The following PCDHA6 variants were observed in gnomAD, a reference collection of about 807,000 sequenced individuals.
PCDHA6 encodes the protein protocadherin alpha 6.
Under a neutral mutation model 60.3 loss-of-function variants are expected in PCDHA6, and 55 were observed. That is an observed-to-expected ratio of 0.91 (90% CI 0.73 to 1.14). PCDHA6 has a LOEUF of 1.14. PCDHA6 is among the 50% of genes most tolerant of loss of function. The pLI, the probability that PCDHA6 is intolerant of heterozygous loss-of-function variation, is 0.00. For synonymous variants in PCDHA6, 652 were observed against 557.9 expected, an observed-to-expected ratio of 1.17 and a Z score of -2.38; for missense variants, 1,327 against 1,256.5, an observed-to-expected ratio of 1.06 and a Z score of -0.85.
chr5:140,832,634 AG>A (rs1772087918), intron 1 of PCDHA6, among the ~76,000 whole-genome samples: 1 of 152,156 alleles, frequency 6.6e-6, no homozygotes, highest in Non-Finnish European at 1.5e-5. Context: ...AAAAGTTCCT[AG>A]GAGGGTCTTT....
intron 1 of PCDHA6, among the ~76,000 whole-genome samples, chr5:140,953,460 G>A (rs1025295552): frequency 1.3e-5 from 2 of 152,116 alleles, no homozygotes; most frequent in Non-Finnish European, 2.9e-5. Context: ...ATCTGTCAGA[G>A]TTTTAACTTC....
At chr5:140,941,247 C>CT (rs1398354432) in intron 1 of PCDHA6, among the ~76,000 whole-genome samples, 1 of 128,506 alleles carries the variant, frequency 7.8e-6, no homozygotes, top group African/African-American at 2.9e-5. Context: ...TTCTTTCTTT[C>CT]TTTCTTTCTC....
At chr5:140,967,301 G>T in intron 1 of PCDHA6, 2 of 1,612,148 alleles carry the variant, frequency 1.2e-6, no homozygotes, top group Middle Eastern at 1.7e-4. Flanking sequence ...CGACGTGGGC[G>T]CCAACTCAGT....
rs2150184170 is a variant in PCDHA6 at position 140,830,280 on chromosome 5, G to T, written c.2189G>T (p.Gly730Val). ...CGGTGCTCGGCGCCACCCACCGAGG[G>T]CGCGTGCACGGCGGACAAGCCCACG... ...ALRCSAPPTE[G>V]ACTADKPTLV... The change falls in exon 1 of 4, where the codon GGC becomes GTC. Residue 730 changes from glycine to valine, a missense_variant. Gly to Val is a moderately radical substitution (Grantham distance 109, BLOSUM62 -3). Transcript: ENST00000529310. 1 of 1,613,766 alleles carries T rather than the reference G, an allele frequency of 6.2e-7. No individual in the cohort carries two copies. Among genetic ancestry groups the T allele is most frequent in the East Asian group, 2.2e-5 (1 of 44,868 alleles).
intron 3 of PCDHA6, among the ~76,000 whole-genome samples, chr5:140,993,043 A>G (rs1402138607): frequency 1.3e-5 from 2 of 152,186 alleles, no homozygotes; most frequent in Non-Finnish European, 2.9e-5. Context: ...TGTGTCATCA[A>G]GATGTCAATC....
chr5:140,984,178 A>C (rs2097090747), intron 3 of PCDHA6, among the ~76,000 whole-genome samples: 1 of 152,184 alleles, frequency 6.6e-6, no homozygotes, highest in South Asian at 2.1e-4. Context: ...AGCCACGTGA[A>C]ATCATGACTT....
rs184817309 is a variant in PCDHA6, at chr5:140,876,910, T to G, written c.2394+46425T>G. On this transcript the variant is annotated intron_variant, in intron 1 of 3. Coordinates refer to ENST00000529310, the MANE Select transcript of PCDHA6 (RefSeq NM_018909.4). The stretch of plus-strand genomic sequence containing the variant: ...CTGCCACATCTTCACGGTGTCGGCA[T>G]GGGACGCGGACGCGCAGAAGAACGC... 1.1e-5 allele frequency: 18 copies of G among 1,613,860 alleles called. No homozygotes were observed. The South Asian group carries it at 1.4e-4, about 13-fold the overall frequency.
At chr5:140,962,431 A>G (rs782205198) in intron 1 of PCDHA6, among the ~76,000 whole-genome samples, 2 of 152,126 alleles carry the variant, frequency 1.3e-5, no homozygotes, top group Non-Finnish European at 2.9e-5. Flanking sequence ...ATTGTTACTT[A>G]TCCAAAGATG....
intron 1 of PCDHA6, chr5:140,869,331 G>T: frequency 6.2e-7 from 1 of 1,613,954 alleles, no homozygotes; most frequent in Non-Finnish European, 8.5e-7. Flanking sequence ...ACCTTCTGGA[G>T]GTAAATCTGC....
intron 1 of PCDHA6, 34 bp from the exon 2 acceptor site, chr5:140,978,915 A>G: frequency 6.2e-7 from 1 of 1,613,970 alleles, no homozygotes; most frequent in Non-Finnish European, 8.5e-7. Context: ...TTGTCTTGTC[A>G]TTTTAACAGA....
At chr5:140,981,019 T>A (rs1396794400) in intron 2 of PCDHA6, among the ~76,000 whole-genome samples, 1 of 152,242 alleles carries the variant, frequency 6.6e-6, no homozygotes, top group East Asian at 1.9e-4. Context: ...ACTTGAAGGC[T>A]GTTAATATTT....
chr5:140,842,261 A>G (rs2150332955), intron 1 of PCDHA6: 25 of 1,610,966 alleles, frequency 1.6e-5, no homozygotes, highest in Non-Finnish European at 2.1e-5. Flanking sequence ...TGAACAAGAA[A>G]ACTTATACAA....
intron 1 of PCDHA6, among the ~76,000 whole-genome samples, chr5:140,933,393 C>G (rs1419190705): frequency 2.6e-5 from 4 of 151,956 alleles, no homozygotes; most frequent in Admixed American, 1.3e-4. Context: ...CTAGAGCCAT[C>G]TGGTTACCAT....
At chr5:140,980,728 A>T (rs1268236317) in intron 2 of PCDHA6, among the ~76,000 whole-genome samples, 1 of 152,168 alleles carries the variant, frequency 6.6e-6, no homozygotes, top group African/African-American at 2.4e-5. Context: ...TTCAATTAAG[A>T]TATTATGAGA....
chr5:140,858,041 C>A (rs1446194845), intron 1 of PCDHA6: 1 of 1,596,846 alleles, frequency 6.3e-7, no homozygotes, highest in East Asian at 2.2e-5. Context: ...GGCCACTGTG[C>A]TTGTGTCGCT....
chr5:140,874,607 T>C (rs534439802), intron 1 of PCDHA6, among the ~76,000 whole-genome samples: 1 of 152,226 alleles, frequency 6.6e-6, no homozygotes, highest in Non-Finnish European at 1.5e-5. Context: ...TTTGGAGGCT[T>C]CAACTAAACA....
At chr5:140,995,416 T>G (rs2097682772) in intron 3 of PCDHA6, among the ~76,000 whole-genome samples, 1 of 152,228 alleles carries the variant, frequency 6.6e-6, no homozygotes, top group African/African-American at 2.4e-5. Context: ...TTCATCACAT[T>G]ACTCAGAACA....
At chr5:140,888,956 G>T (rs1043287613) in intron 1 of PCDHA6, among the ~76,000 whole-genome samples, 2 of 151,722 alleles carry the variant, frequency 1.3e-5, no homozygotes, top group Non-Finnish European at 2.9e-5. Flanking sequence ...TTTTTCTTTG[G>T]CAATGTTAAT....
At chr5:140,953,035 C>A (rs2094836412) in intron 1 of PCDHA6, among the ~76,000 whole-genome samples, 1 of 152,116 alleles carries the variant, frequency 6.6e-6, no homozygotes, top group Admixed American at 6.5e-5. Flanking sequence ...GGAAATCCAC[C>A]CCCATGATCC....
Sources: allele counts gnomAD v4.1 joint callset (sites outside exome capture counted in the v4.1 genomes callset), GRCh38; gene constraint gnomAD v4.1.1; transcripts MANE v1.5; gene names NCBI Gene and HGNC (gene_info 2026-07-23, HGNC 2026-07-21).